Variants in PRKAR2A observed in about 807,000 individuals in gnomAD.
PRKAR2A encodes cAMP-dependent protein kinase type II-alpha regulatory subunit.
In PRKAR2A, 29 loss-of-function variants were observed where a neutral mutation model predicts 51.9. That is an observed-to-expected ratio of 0.56 (90% CI 0.42 to 0.76). The LOEUF (loss-of-function observed/expected upper bound fraction) is 0.76. PRKAR2A is among the 30% of genes least tolerant of loss of function. The pLI, the probability that PRKAR2A is intolerant of heterozygous loss-of-function variation, is 0.00. For synonymous variants in PRKAR2A, 178 were observed against 186.2 expected (o/e 0.96, Z 0.36); for missense variants, 445 against 512.1 (o/e 0.87, Z 1.26).
chr3:48,752,527 C>T (rs34864906), intron 9 of PRKAR2A, among the ~76,000 whole-genome samples: 14 of 152,152 alleles, frequency 9.2e-5, no homozygotes, highest in Non-Finnish European at 1.5e-4. Flanking sequence ...ACCTAGAGCT[C>T]GGAGTCCTAA....
chr3:48,747,166 A>G lies in PRKAR2A; in HGVS notation c.*4419T>C, dbSNP rs945465319. 6.6e-6 allele frequency: 1 copy of G among 151,966 alleles called. No homozygotes were observed. Among genetic ancestry groups the G allele is most frequent in the Non-Finnish European group, 1.5e-5 (1 of 68,008 alleles). The allele number at this position is 151,966 out of a possible 1,614,324, so 9.4% of individuals were successfully genotyped here. ...GAATCATTGAGGAACGTCAGCAGTC[A>G]AGACAGGAGGAACAAGAGGTCATTG... On this transcript the variant is annotated 3_prime_UTR_variant, in exon 11 of 11. Coordinates refer to ENST00000265563, the MANE Select transcript of PRKAR2A (RefSeq NM_004157.4).
chr3:48,826,590 C>T (rs1191574142), intron 1 of PRKAR2A, among the ~76,000 whole-genome samples: 1 of 152,074 alleles, frequency 6.6e-6, no homozygotes, highest in Non-Finnish European at 1.5e-5. Flanking sequence ...CAACCTCCAG[C>T]CCCCTTTCTC....
intron 1 of PRKAR2A, among the ~76,000 whole-genome samples, chr3:48,824,717 C>T (rs928186687): frequency 6.6e-6 from 1 of 151,964 alleles, no homozygotes; most frequent in Non-Finnish European, 1.5e-5. Flanking sequence ...GAGGGCGAGG[C>T]GGGAGGATCA....
intron 2 of PRKAR2A, among the ~76,000 whole-genome samples, chr3:48,805,328 G>A (rs1446415525): frequency 6.6e-6 from 1 of 152,212 alleles, no homozygotes; most frequent in Admixed American, 6.5e-5. Flanking sequence ...AAGGAAGGTA[G>A]AAGAGGACAG....
chr3:48,795,087 C>T (rs565469033), intron 2 of PRKAR2A, among the ~76,000 whole-genome samples: 5 of 152,130 alleles, frequency 3.3e-5, no homozygotes, highest in South Asian at 4.1e-4. Flanking sequence ...CACCATTCTC[C>T]GGCCTCAGCC....
In PRKAR2A at chr3:48,792,658, G is replaced by A. The variant is rs1010062112; in HGVS notation, c.351+1339C>T. Among the ~76,000 whole-genome samples, 9 of 147,778 alleles carry A rather than the reference G, an allele frequency of 6.1e-5. No individual in the cohort carries two copies. In the East Asian group the frequency reaches 8.2e-4, roughly 13 times the overall value. The stretch of plus-strand genomic sequence containing the variant: ...TGTATTTTAGTAGAGACAAGGTTTC[G>A]CCATGTTGGCCAGGCTGGTCTCGAA... On this transcript the variant is annotated intron_variant, in intron 3 of 10. Transcript: ENST00000265563.
At chr3:48,758,516 G>A (rs1454823186) in intron 8 of PRKAR2A, among the ~76,000 whole-genome samples, 1 of 150,504 alleles carries the variant, frequency 6.6e-6, no homozygotes, top group East Asian at 1.9e-4. Context: ...CCAGGAGGTG[G>A]AGGTCGCAGT....
chr3:48,786,137 T>G (rs561428501), intron 4 of PRKAR2A, among the ~76,000 whole-genome samples: 1 of 150,384 alleles, frequency 6.6e-6, no homozygotes, highest in Non-Finnish European at 1.5e-5. Flanking sequence ...TGTTTTTTTT[T>G]TTTTTGAGAC....
At chr3:48,835,667 T>C (rs1012228468) in intron 1 of PRKAR2A, among the ~76,000 whole-genome samples, 5 of 139,674 alleles carry the variant, frequency 3.6e-5, no homozygotes, top group African/African-American at 1.1e-4. Context: ...AAGCCAGGTG[T>C]GGTAGCTTAT....
rs1017478058 is a variant in PRKAR2A, at chr3:48,748,946, G to A, written c.*2639C>T. ...AAGAGTCCTTCTGCTTTCGCTTCCTGGAGCTTAAGAAGAAAAGAGGAATTA... is the reference window on the plus strand; with the variant it reads ...AAGAGTCCTTCTGCTTTCGCTTCCTAGAGCTTAAGAAGAAAAGAGGAATTA... On this transcript the variant is annotated 3_prime_UTR_variant, in exon 11 of 11. Coordinates refer to ENST00000265563, the MANE Select transcript of PRKAR2A (RefSeq NM_004157.4). The A allele has an allele frequency of 6.6e-6, 1 of 152,170 alleles. No homozygotes were observed. The highest frequency in any genetic ancestry group is 2.4e-5 in the African/African-American group (1 of 41,428). The allele number at this position is 152,170 out of a possible 1,614,324, so 9.4% of individuals were successfully genotyped here.
chr3:48,755,487 C>T (rs972059353), intron 9 of PRKAR2A, among the ~76,000 whole-genome samples: 5 of 152,066 alleles, frequency 3.3e-5, no homozygotes, highest in Admixed American at 3.3e-4. Context: ...CTAGGTCACA[C>T]CATCCATTAA....
At chr3:48,808,443 CG>C (rs2082714764) in intron 1 of PRKAR2A, among the ~76,000 whole-genome samples, 1 of 152,178 alleles carries the variant, frequency 6.6e-6, no homozygotes, top group African/African-American at 2.4e-5. Context: ...TTAGTAGAGA[CG>C]GGGTTTCACC....
intron 8 of PRKAR2A, among the ~76,000 whole-genome samples, chr3:48,760,704 G>A (rs1468156278): frequency 1.3e-5 from 2 of 151,136 alleles, no homozygotes; most frequent in Non-Finnish European, 3.0e-5. Flanking sequence ...GCATGGTGGT[G>A]CATGCCTGTA....
intron 2 of PRKAR2A, among the ~76,000 whole-genome samples, chr3:48,796,278 T>C (rs906653827): frequency 2.0e-5 from 3 of 152,316 alleles, no homozygotes; most frequent in South Asian, 2.1e-4. Flanking sequence ...AAGACTGTTG[T>C]AAGGATTCAA....
rs140508173 is a variant in PRKAR2A at position 48,830,831 on chromosome 3, G to C, written c.262+16504C>G. 3.0e-3 allele frequency among the ~76,000 whole-genome samples: 451 copies of C among 152,294 alleles called. 4 individuals are homozygous for C. Among genetic ancestry groups the C allele is most frequent in the African/African-American group, 9.9e-3 (411 of 41,548 alleles). ...GGAGTGATGAAACACAGTGACAGAT[G>C]AGGCATTTGGTTCTCATAAGGAGAG... is the stretch of plus-strand genomic sequence containing the variant. On this transcript the variant is annotated intron_variant, in intron 1 of 10. Coordinates refer to ENST00000265563, the MANE Select transcript of PRKAR2A (RefSeq NM_004157.4).
rs550244313 is a variant in PRKAR2A at position 48,829,571 on chromosome 3, T to C, written c.262+17764A>G. On this transcript the variant is annotated intron_variant, in intron 1 of 10. Coordinates refer to ENST00000265563, the MANE Select transcript of PRKAR2A (RefSeq NM_004157.4). Reference sequence around the variant, plus strand: ...ATATATATGTGTATATATACACACATAAATATATATGTGTGTATATATACA... The same window carrying C: ...ATATATATGTGTATATATACACACACAAATATATATGTGTGTATATATACA... Among the ~76,000 whole-genome samples, 123 of 68,330 alleles carry C rather than the reference T, an allele frequency of 1.8e-3. 4 individuals carry two copies. Among genetic ancestry groups the C allele is most frequent in the African/African-American group, 2.6e-3 (46 of 17,894 alleles). The allele number at this position is 68,330 out of a possible 152,430, so 44.8% of individuals were successfully genotyped here.
At chr3:48,793,499 T>C (rs1307032318) in intron 3 of PRKAR2A, among the ~76,000 whole-genome samples, 2 of 152,134 alleles carry the variant, frequency 1.3e-5, no homozygotes, top group Non-Finnish European at 2.9e-5. Context: ...TCTCAACTCC[T>C]GGGGTTCAAC....
intron 5 of PRKAR2A, among the ~76,000 whole-genome samples, chr3:48,781,502 C>T (rs994291893): frequency 5.9e-5 from 9 of 151,314 alleles, no homozygotes; most frequent in Non-Finnish European, 1.0e-4. Context: ...CCACCACGCC[C>T]GGTTACTTTT....
chr3:48,845,489 A>G (rs1044271825), intron 1 of PRKAR2A, among the ~76,000 whole-genome samples: 3 of 152,182 alleles, frequency 2.0e-5, no homozygotes, highest in African/African-American at 7.2e-5. Context: ...GTGATCTAAT[A>G]ACACTAAGAT....
Sources: gnomAD v4.1 joint callset for allele counts (sites outside exome capture counted in the v4.1 genomes callset) on GRCh38, gnomAD v4.1.1 for gene constraint, MANE v1.5 for transcripts, NCBI Gene and HGNC (gene_info 2026-07-23, HGNC 2026-07-21) for gene names.